F5: variants seen among roughly 807,000 people sequenced by gnomAD.
The protein encoded by F5 is coagulation factor V.
Under a neutral mutation model 216.4 loss-of-function variants are expected in F5, and 138 were observed. The observed-to-expected ratio is 0.64, with a 90% confidence interval of 0.56 to 0.73. The LOEUF (loss-of-function observed/expected upper bound fraction) is 0.73, where lower values mean the gene tolerates loss of function less well. Among genes scored for constraint, F5 ranks in the 30% least tolerant of loss-of-function variants. The pLI is 0.00. For missense variants in F5, 2,403 were observed against 2,674.0 expected, an observed-to-expected ratio of 0.90 and a Z score of 2.24; for synonymous variants, 916 against 930.7, an observed-to-expected ratio of 0.98 and a Z score of 0.29.
intron 9 of F5, 87 bp downstream of exon 9, chr1:169,550,553 A>ACAC (rs1660144469): frequency 1.0e-6 from 1 of 966,960 alleles, no homozygotes; most frequent in African/African-American, 1.6e-5. Flanking sequence ...TGCAGTAGTG[A>ACAC]CACCACCGGG....
In F5 at chr1:169,541,860, G is replaced by C. The variant is rs761621623; in HGVS notation, c.3230C>G (p.Ser1077Cys). ...SLVLHKSNET[S>C]LPTDLNQTLP... ...TGTCTGATTGAGGTCTGTGGGAAGA[G>C]ATGTTTCATTGGATTTATGAAGCAC... The change falls in exon 13 of 25, where the codon TCT (serine) becomes TGT (cysteine). Residue 1077 changes from serine to cysteine, a missense_variant. Physicochemically the swap from Ser to Cys is moderately radical, Grantham distance 112. Coordinates refer to ENST00000367797, the MANE Select transcript of F5 (RefSeq NM_000130.5). The C allele has an allele frequency of 6.2e-7, 1 of 1,614,138 alleles. No individual in the cohort carries two copies. The highest frequency in any genetic ancestry group is 1.1e-5 in the South Asian group (1 of 91,084).
intron 12 of F5, 139 bp from the exon 13 acceptor site, chr1:169,543,253 C>A: frequency 1.4e-6 from 1 of 730,116 alleles, no homozygotes; most frequent in South Asian, 1.6e-5. Context: ...CACTGCTTGT[C>A]TGTGACCTAT....
In F5 at chr1:169,536,664, C is replaced by T. The variant is rs201640368; in HGVS notation, c.4813G>A (p.Asp1605Asn). 6.2e-7 allele frequency: 1 copy of T among 1,610,834 alleles called. No individual in the cohort carries two copies. The highest frequency in any genetic ancestry group is 8.5e-7 in the Non-Finnish European group (1 of 1,177,212). ...GTATCTTCTGGAATATCATCAGAGT[C>T]TTCAATATCTGTTTCCCTGAAATAA... Reference protein sequence around the residue: ...EFVQRETDIEDSDDIPEDTTY... With the variant: ...EFVQRETDIENSDDIPEDTTY... Residue 1605 changes from aspartate to asparagine, a missense_variant, in exon 14 of 25, where the codon GAC becomes AAC. Coordinates refer to ENST00000367797, the MANE Select transcript of F5 (RefSeq NM_000130.5).
At chr1:169,572,096 T>C in intron 3 of F5, 125 bp downstream of exon 3, 4 of 1,080,906 alleles carry the variant, frequency 3.7e-6, no homozygotes, top group Non-Finnish European at 5.3e-6. Context: ...CAACAATTTT[T>C]ATAATTACCA....
intron 19 of F5, 56 bp from the exon 20 acceptor site, chr1:169,523,960 T>A: frequency 6.9e-7 from 1 of 1,458,054 alleles, no homozygotes; most frequent in Non-Finnish European, 9.6e-7. Flanking sequence ...CCCAGCAATT[T>A]CTCAAGTGAG....
intron 10 of F5, among the ~76,000 whole-genome samples, chr1:169,547,719 G>A (rs1416880550): frequency 6.6e-6 from 1 of 151,952 alleles, no homozygotes; most frequent in African/African-American, 2.4e-5. Flanking sequence ...TGGAGAAAAA[G>A]GAACACTTAT....
rs199650101 is a variant in F5 at position 169,551,322 on chromosome 1, T to C, written c.1297-583A>G. On this transcript the variant is annotated intron_variant, in intron 8 of 24. Coordinates refer to ENST00000367797, the MANE Select transcript of F5 (RefSeq NM_000130.5). ...AAAATTAGCCAGGCGTTGGGGCGTG[T>C]GCCTGTAGTCCCAGCTACTTGAGAG... 2.7e-4 allele frequency among the ~76,000 whole-genome samples: 41 copies of C among 152,252 alleles called. 1 individual carries two copies. In the East Asian group the frequency reaches 6.2e-3, roughly 23 times the overall value.
rs922306992 is a variant in F5 at position 169,529,758 on chromosome 1, G to A, written c.5269C>T (p.His1757Tyr). 1.2e-6 allele frequency: 2 copies of A among 1,613,720 alleles called. No homozygotes were observed. Among genetic ancestry groups the A allele is most frequent in the Non-Finnish European group, 1.7e-6 (2 of 1,179,784 alleles). The change falls in exon 16 of 25, where the codon CAT (histidine) becomes TAT (tyrosine). Residue 1757 changes from histidine (H) to tyrosine (Y), a missense_variant. Around this residue, in one of 4 missense-constraint regions of F5, gnomAD observed 659 missense variants for 787.9 expected, o/e 0.84. Transcript: ENST00000367797. ...TCCATAGGCATGTTGCTGTCCTTAT[G>A]TAGTATTCCTTTTTGGCAGATTAGG... ...PLLICQKGIL[H>Y]KDSNMPMDMR...
intron 6 of F5, among the ~76,000 whole-genome samples, chr1:169,555,788 A>G (rs1660308811): frequency 6.6e-6 from 1 of 151,970 alleles, no homozygotes; most frequent in Non-Finnish European, 1.5e-5. Flanking sequence ...CAAAGAAACA[A>G]AAGTTACATT....
At chr1:169,585,766 C>A (rs1377816525) in intron 1 of F5, among the ~76,000 whole-genome samples, 2 of 152,074 alleles carry the variant, frequency 1.3e-5, no homozygotes, top group Non-Finnish European at 2.9e-5. Flanking sequence ...ACAAAAAGCA[C>A]AAGGTGTTCA....
At chr1:169,561,207 G>T (rs1257286662) in intron 3 of F5, among the ~76,000 whole-genome samples, 2 of 152,100 alleles carry the variant, frequency 1.3e-5, no homozygotes, top group East Asian at 3.9e-4. Context: ...TGCTATTTCA[G>T]ATCTTCTTTC....
chr1:169,526,267 T>C (rs1659447417), intron 17 of F5, among the ~76,000 whole-genome samples: 1 of 152,172 alleles, frequency 6.6e-6, no homozygotes, highest in Admixed American at 6.5e-5. Context: ...CTTATCTAAA[T>C]ATAATGTTAC....
rs1258930545 is a variant in F5, at chr1:169,540,969, T to G, written c.4121A>C (p.Asn1374Thr). ...TTLSLDLSQT[N>T]LSPELSQTNL... is the part of the protein sequence containing the mutation. ...TGTCTGACTGAGTTCTGGAGAGAGG[T>G]TTGTCTGGCTGAGGTCTAGAGAAAG... Residue 1374 changes from asparagine (N) to threonine (T), a missense_variant, in exon 13 of 25, where the codon AAC (asparagine) becomes ACC (threonine). Asn to Thr is a moderately conservative substitution (Grantham distance 65). Transcript: ENST00000367797. 2.5e-6 allele frequency: 4 copies of G among 1,589,264 alleles called. No homozygotes were observed. Among genetic ancestry groups the G allele is most frequent in the Admixed American group, 1.7e-5 (1 of 58,406 alleles).
chr1:169,531,120 C>T (rs115760677), intron 14 of F5, 98 bp from the exon 15 acceptor site: 8 of 878,452 alleles, frequency 9.1e-6, no homozygotes, highest in Middle Eastern at 2.3e-4. Context: ...GTTATAAAAT[C>T]GGAGCTAAGA....
chr1:169,523,207 CT>C lies in F5; in HGVS notation c.6037del (p.Arg2013GlyfsTer3), dbSNP rs1315863958. ...AATATGCACACAAACCATCACATTC[CT>C]TGTGCTGTTCCCTTTGAAGATCTGC... ...NWQIFKGNSTRNVMYFNGNSD... is the reference protein window; with the variant it reads ...NWQIFKGNSTXNVMYFNGNSD... On this transcript the variant is annotated frameshift_variant, in exon 21 of 25. Coordinates refer to ENST00000367797, the MANE Select transcript of F5 (RefSeq NM_000130.5). LOFTEE classifies it high-confidence loss of function. The C allele has an allele frequency of 6.2e-7, 1 of 1,613,972 alleles. No individual in the cohort carries two copies. The highest frequency in any genetic ancestry group is 8.5e-7 in the Non-Finnish European group (1 of 1,179,972).
intron 5 of F5, 127 bp from the exon 6 acceptor site, chr1:169,556,994 C>G (rs892369325): frequency 1.2e-6 from 1 of 822,360 alleles, no homozygotes; most frequent in Non-Finnish European, 2.0e-6. Flanking sequence ...TTTGAGGGAA[C>G]AGACACTCCA....
chr1:169,580,968 T>G (rs1357014563), intron 2 of F5, among the ~76,000 whole-genome samples: 2 of 152,174 alleles, frequency 1.3e-5, no homozygotes, highest in African/African-American at 4.8e-5. Flanking sequence ...AGGGATTAAT[T>G]CAAGGTACTG....
chr1:169,520,714 A>T, intron 21 of F5, 50 bp from the exon 22 acceptor site: 1 of 1,504,552 alleles, frequency 6.6e-7, no homozygotes, highest in South Asian at 1.2e-5. Context: ...CTATAAAGTG[A>T]CTTTATATTA....
chr1:169,584,903 T>C (rs1661069401), intron 1 of F5, among the ~76,000 whole-genome samples: 1 of 152,194 alleles, frequency 6.6e-6, no homozygotes, highest in African/African-American at 2.4e-5. Flanking sequence ...GTTCCCTGTG[T>C]ACTCACCATG....
Sources: allele counts gnomAD v4.1 joint callset (sites outside exome capture counted in the v4.1 genomes callset), GRCh38; gene constraint gnomAD v4.1.1; regional missense constraint gnomAD v4.1.1; transcripts MANE v1.5; gene names NCBI Gene and HGNC (gene_info 2026-07-23, HGNC 2026-07-21).